HTR2C: variants seen among roughly 807,000 people sequenced by gnomAD.
HTR2C encodes the protein 5-hydroxytryptamine (serotonin) receptor 2C, G protein-coupled.
A neutral mutation model predicts 21.0 loss-of-function variants in HTR2C; 5 were observed. That is an observed-to-expected ratio of 0.24 (90% CI 0.12 to 0.50). The LOEUF (loss-of-function observed/expected upper bound fraction) is 0.50, where lower values mean the gene tolerates loss of function less well. Ranked by LOEUF, HTR2C falls within the 20% of genes least tolerant of loss-of-function variation. The probability of loss-of-function intolerance (pLI) is 0.98; values close to 1 mark genes in which losing one functional copy is unlikely to be tolerated. For synonymous variants in HTR2C, 150 were observed against 145.3 expected (o/e 1.03, Z -0.23); for missense variants, 271 against 371.2 (o/e 0.73, Z 2.22).
chrX:114,665,930 A>T (rs1180560533), intron 2 of HTR2C, among the ~76,000 whole-genome samples: 2 of 111,893 alleles, frequency 1.8e-5, no homozygotes, highest in Non-Finnish European at 3.8e-5. Context: ...AGTTGCTGAT[A>T]TGTCTTCTTT....
At chrX:114,894,484 T>C (rs2147530266) in intron 5 of HTR2C, among the ~76,000 whole-genome samples, 1 of 110,243 alleles carries the variant, frequency 9.1e-6, no homozygotes, top group East Asian at 2.9e-4. Context: ...AAGAGTCATT[T>C]TTTGGGGTGG....
chrX:114,789,006 TTTAAC>T (rs782404859), intron 4 of HTR2C, among the ~76,000 whole-genome samples: 214 of 112,095 alleles, frequency 1.9e-3, no homozygotes, highest in African/African-American at 4.4e-3. Context: ...ATCTTCCTAC[TTTAAC>T]TTAAGTTTGG....
At chrX:114,598,649 C>T (rs182840558) in intron 1 of HTR2C, among the ~76,000 whole-genome samples, 1 of 111,055 alleles carries the variant, frequency 9.0e-6, no homozygotes, top group East Asian at 2.8e-4. Context: ...ATTAATAGTC[C>T]AAATACCATA....
intron 4 of HTR2C, among the ~76,000 whole-genome samples, chrX:114,758,921 G>C (rs1441483698): frequency 4.5e-5 from 5 of 111,423 alleles, no homozygotes; most frequent in Non-Finnish European, 1.9e-5. Context: ...TTAACCTTAG[G>C]TGTACAGAAC....
chrX:114,775,422 A>G (rs782806964), intron 4 of HTR2C: 21 of 521,552 alleles, frequency 4.0e-5, no homozygotes, highest in Middle Eastern at 5.6e-4. Context: ...ATCCTTGGTC[A>G]TAGCACACTC....
intron 2 of HTR2C, among the ~76,000 whole-genome samples, chrX:114,670,883 A>G (rs1556411599): frequency 8.9e-6 from 1 of 112,102 alleles, no homozygotes. Context: ...AGTGTTTTAT[A>G]ATTAATGTAC....
chrX:114,790,101 T>A (rs2070217142), intron 4 of HTR2C, among the ~76,000 whole-genome samples: 2 of 111,934 alleles, frequency 1.8e-5, no homozygotes, highest in Non-Finnish European at 3.8e-5. Context: ...CTATAAGTGG[T>A]TGAGTAGTTT....
intron 4 of HTR2C, among the ~76,000 whole-genome samples, chrX:114,801,393 T>C (rs782153073): frequency 9.0e-6 from 1 of 111,248 alleles, no homozygotes; most frequent in Non-Finnish European, 1.9e-5. Flanking sequence ...TAAAATAAAC[T>C]CCAATCAGGA....
chrX:114,685,452 T>A (rs1556414083), intron 2 of HTR2C, among the ~76,000 whole-genome samples: 1 of 112,388 alleles, frequency 8.9e-6, no homozygotes, highest in East Asian at 2.8e-4. Context: ...CTGAATTCAT[T>A]AGTGAAGTGC....
intron 2 of HTR2C, among the ~76,000 whole-genome samples, chrX:114,725,008 C>T (rs782175911): frequency 9.1e-6 from 1 of 110,470 alleles, no homozygotes; most frequent in East Asian, 2.9e-4. Context: ...AGTTGCTCTT[C>T]TCGAGGAGTA....
chrX:114,814,617 T>G (rs2070564207), intron 4 of HTR2C, among the ~76,000 whole-genome samples: 2 of 107,996 alleles, frequency 1.9e-5, no homozygotes, highest in African/African-American at 6.7e-5. Flanking sequence ...AATATCAAAA[T>G]ATTAATGAAA....
intron 4 of HTR2C, among the ~76,000 whole-genome samples, chrX:114,777,041 A>G (rs2070065568): frequency 8.9e-6 from 1 of 112,117 alleles, no homozygotes; most frequent in Non-Finnish European, 1.9e-5. Context: ...ACAATGAATA[A>G]AATGACCAAT....
At chrX:114,658,568 A>G (rs1930868670) in intron 2 of HTR2C, among the ~76,000 whole-genome samples, 1 of 111,477 alleles carries the variant, frequency 9.0e-6, no homozygotes, top group African/African-American at 3.3e-5. Context: ...TATGGCATAA[A>G]TGGTGAAGCA....
intron 5 of HTR2C, among the ~76,000 whole-genome samples, chrX:114,881,466 C>T (rs190081762): frequency 1.6e-4 from 17 of 108,835 alleles, no homozygotes; most frequent in Admixed American, 9.8e-4. Context: ...TACAGTCTTA[C>T]CCCTTACTTT....
chrX:114,825,309 C>T (rs1194959755), intron 4 of HTR2C, among the ~76,000 whole-genome samples: 4 of 111,086 alleles, frequency 3.6e-5, no homozygotes, highest in African/African-American at 9.8e-5. Context: ...AATTTTAGTA[C>T]GTTTTGTTTT....
At position 114,906,629 on chromosome X, in the gene HTR2C, A is replaced by G; in HGVS notation, c.591A>G (p.Glu197=). Residue 197 remains glutamate (E), a synonymous_variant, in exon 6 of 6, where the codon GAA becomes GAG. Coordinates refer to ENST00000276198, the MANE Select transcript of HTR2C (RefSeq NM_000868.4). The part of the protein sequence containing the change: ...VPIPVIGLRD[E]EKVFVNNTTC... ...TCCCTGTGATTGGACTGAGGGACGA[A>G]GAAAAGGTGTTCGTGAACAACACGA... 8.3e-7 allele frequency: 1 copy of G among 1,209,733 alleles called. No homozygotes were observed. Among genetic ancestry groups the G allele is most frequent in the Non-Finnish European group, 1.1e-6 (1 of 894,365 alleles).
intron 2 of HTR2C, among the ~76,000 whole-genome samples, chrX:114,667,244 T>A (rs971221855): frequency 3.6e-5 from 4 of 111,261 alleles, no homozygotes; most frequent in Non-Finnish European, 5.7e-5. Flanking sequence ...AATTAATTAT[T>A]TATGCAGAGC....
chrX:114,645,142 C>T (rs896527590), intron 2 of HTR2C, among the ~76,000 whole-genome samples: 12 of 110,373 alleles, frequency 1.1e-4, no homozygotes, highest in Non-Finnish European at 1.7e-4. Context: ...TGGCAGTAAT[C>T]CCTATTCTAC....
At chrX:114,902,513 G>T (rs1317035023) in intron 5 of HTR2C, among the ~76,000 whole-genome samples, 1 of 111,274 alleles carries the variant, frequency 9.0e-6, no homozygotes, top group Non-Finnish European at 1.9e-5. Context: ...CCCATCTAAG[G>T]TTAACATAAA....
Sources: gnomAD v4.1 joint callset for allele counts (sites outside exome capture counted in the v4.1 genomes callset) on GRCh38, gnomAD v4.1.1 for gene constraint, MANE v1.5 for transcripts, NCBI Gene and HGNC (gene_info 2026-07-23, HGNC 2026-07-21) for gene names.